The following ELOVL2 variants were observed in gnomAD, a reference collection of about 807,000 sequenced individuals.
ELOVL2 encodes the protein ELOVL fatty acid elongase 2, also known as very long chain fatty acid elongase 2.
ELOVL2 carries 38 observed loss-of-function variants against 37.7 expected under a neutral mutation model. The ratio of observed to expected loss-of-function variants is 1.01; its 90% CI spans 0.78 to 1.32. The LOEUF is 1.32. ELOVL2 is among the 40% of genes most tolerant of loss of function. The pLI is 0.00. For synonymous variants in ELOVL2, 115 were observed against 122.3 expected, an observed-to-expected ratio of 0.94 and a Z score of 0.40; for missense variants, 352 against 363.6, an observed-to-expected ratio of 0.97 and a Z score of 0.26.
chr6:10,987,309 T>A (rs1459943216), intron 7 of ELOVL2, among the ~76,000 whole-genome samples: 1 of 152,176 alleles, frequency 6.6e-6, no homozygotes, highest in Non-Finnish European at 1.5e-5. Context: ...GCTCCTGGAT[T>A]CATTGATTTT....
At chr6:10,999,602 C>G (rs141060393) in intron 4 of ELOVL2, among the ~76,000 whole-genome samples, 2,503 of 152,264 alleles carry the variant, frequency 0.016, 64 homozygotes, top group African/African-American at 0.057. Flanking sequence ...TCTCGAACTC[C>G]TGACCTCGTG....
Position 10,992,202 on chromosome 6 carries a change from C to T in ELOVL2, c.506-1760G>A, listed in dbSNP as rs548657015. 7.2e-5 allele frequency among the ~76,000 whole-genome samples: 11 copies of T among 152,306 alleles called. No individual in the cohort carries two copies. In the East Asian group the frequency reaches 1.4e-3, roughly 19 times the overall value. On this transcript the variant is annotated intron_variant, in intron 5 of 7. Transcript: ENST00000354666. ...CCCCCTGCACTCACAGCAATTTCCTCCCTCACTCTAGTGTTCATTTGTACC... is the reference window on the plus strand; with the variant it reads ...CCCCCTGCACTCACAGCAATTTCCTTCCTCACTCTAGTGTTCATTTGTACC...
At chr6:10,999,916 C>A (rs1231657313) in intron 4 of ELOVL2, among the ~76,000 whole-genome samples, 171 bp downstream of exon 4, 2 of 152,098 alleles carry the variant, frequency 1.3e-5, no homozygotes, top group East Asian at 3.8e-4. Context: ...TTCAGTTGGT[C>A]CTCTATAGAG....
At chr6:10,993,780 C>T (rs550908516) in intron 5 of ELOVL2, among the ~76,000 whole-genome samples, 144 of 151,874 alleles carry the variant, frequency 9.5e-4, no homozygotes, top group East Asian at 1.6e-3. Flanking sequence ...CTCTGCCTCC[C>T]GGGCTCAAGC....
intron 1 of ELOVL2, among the ~76,000 whole-genome samples, chr6:11,014,840 T>C (rs1367017148): frequency 6.6e-6 from 1 of 152,244 alleles, no homozygotes; most frequent in Non-Finnish European, 1.5e-5. Flanking sequence ...TTTGAGGCTT[T>C]TCTTTTTTTA....
rs780169856 is a variant in ELOVL2, at chr6:10,983,879, C to T, written c.793G>A (p.Asp265Asn). The change falls in exon 8 of 8, where the codon GAT (aspartate) becomes AAT (asparagine). Residue 265 changes from aspartate to asparagine, a missense_variant. By Grantham distance (23) the Asp-to-Asn change is conservative. Coordinates refer to ENST00000354666, the MANE Select transcript of ELOVL2 (RefSeq NM_017770.4). ...TTCCCTGCAGGTGGCTCTTGCATAT[C>T]TTTCTTCATTGGCTTTTTTCGGTAT... is the stretch of plus-strand genomic sequence containing the variant. The part of the protein sequence containing the change: ...QTYRKKPMKK[D>N]MQEPPAGKEV... 1.2e-6 allele frequency: 2 copies of T among 1,613,468 alleles called. No homozygotes were observed. The highest frequency in any genetic ancestry group is 2.2e-5 in the South Asian group (2 of 90,950).
chr6:10,988,264 C>A (rs527739855), intron 7 of ELOVL2, among the ~76,000 whole-genome samples: 1 of 152,382 alleles, frequency 6.6e-6, no homozygotes, highest in South Asian at 2.1e-4. Flanking sequence ...CTGTTCCACA[C>A]TGTATAAAAC....
Position 10,983,805 on chromosome 6 carries a change from T to C in ELOVL2, c.867A>G (p.Gly289=), listed in dbSNP as rs768096314. ...TTTATTGTGCTTTCTTGTTCATCACTCCATTTGCTGCAGTGAAGTAGGCTT... is the reference window on the plus strand; with the variant it reads ...TTTATTGTGCTTTCTTGTTCATCACCCCATTTGCTGCAGTGAAGTAGGCTT... ...FSKAYFTAAN[G]VMNKKAQ Residue 289 remains glycine (G), a synonymous_variant, in exon 8 of 8, where the codon GGA becomes GGG. Coordinates refer to ENST00000354666, the MANE Select transcript of ELOVL2 (RefSeq NM_017770.4). 1.9e-6 allele frequency: 3 copies of C among 1,612,016 alleles called. No individual in the cohort carries two copies. The highest frequency in any genetic ancestry group is 2.7e-5 in the African/African-American group (2 of 74,870).
chr6:10,999,984 C>T (rs772837530), intron 4 of ELOVL2, 103 bp downstream of exon 4: 5 of 994,122 alleles, frequency 5.0e-6, no homozygotes, highest in Non-Finnish European at 7.9e-6. Context: ...GAACCCCTTT[C>T]TTATCTAATT....
At chr6:11,021,561 A>G (rs928102323) in intron 1 of ELOVL2, among the ~76,000 whole-genome samples, 1 of 152,028 alleles carries the variant, frequency 6.6e-6, no homozygotes, top group Admixed American at 6.5e-5. Flanking sequence ...GACAAGGAGA[A>G]AGCTTTGGGA....
chr6:10,995,910 G>GT (rs897585133), intron 4 of ELOVL2, among the ~76,000 whole-genome samples: 1 of 152,148 alleles, frequency 6.6e-6, no homozygotes, highest in South Asian at 2.1e-4. Flanking sequence ...AAGTATATAT[G>GT]TTTTTTGTCT....
chr6:11,001,193 T>A (rs897003599), intron 3 of ELOVL2, among the ~76,000 whole-genome samples: 2 of 152,204 alleles, frequency 1.3e-5, no homozygotes, highest in Non-Finnish European at 2.9e-5. Flanking sequence ...TAAATAACAT[T>A]TAGAATGTTT....
At chr6:11,033,606 A>G (rs1782965210) in intron 1 of ELOVL2, among the ~76,000 whole-genome samples, 1 of 152,246 alleles carries the variant, frequency 6.6e-6, no homozygotes, top group Non-Finnish European at 1.5e-5. Context: ...ATTCAGTTTT[A>G]TGAGTGCATA....
chr6:10,999,445 G>A (rs564125201), intron 4 of ELOVL2, among the ~76,000 whole-genome samples: 4 of 150,364 alleles, frequency 2.7e-5, no homozygotes, highest in African/African-American at 9.8e-5. Flanking sequence ...ACACAATCTC[G>A]GCTCACCACA....
chr6:10,985,998 T>C (rs1581855891), intron 7 of ELOVL2, among the ~76,000 whole-genome samples: 1 of 152,290 alleles, frequency 6.6e-6, no homozygotes, highest in Admixed American at 6.5e-5. Context: ...TGTTCTTCCA[T>C]TTGTTTGTAT....
intron 1 of ELOVL2, among the ~76,000 whole-genome samples, chr6:11,040,227 T>C (rs13204015): frequency 0.031 from 4,742 of 152,280 alleles, 116 homozygotes; most frequent in Non-Finnish European, 0.051. Flanking sequence ...AGTAGCTTTC[T>C]TTTTGTAATG....
In ELOVL2 at chr6:11,037,295, T is replaced by C. The variant is rs185106015; in HGVS notation, c.3+6933A>G. Among the ~76,000 whole-genome samples, 41 of 152,086 alleles carry C rather than the reference T, an allele frequency of 2.7e-4. No individual in the cohort carries two copies. The East Asian group carries it at 5.8e-3, about 22-fold the overall frequency. On this transcript the variant is annotated intron_variant, in intron 1 of 7. Transcript: ENST00000354666. ...TAACTTTTAATCTAACTCCTCAGTG[T>C]AATGGTCAATGAGCTCTTTGACCCT...
Position 11,044,130 on chromosome 6 carries a change from C to A in ELOVL2, c.3+98G>T. 1.5e-6 allele frequency: 2 copies of A among 1,338,848 alleles called. No homozygotes were observed. The highest frequency in any genetic ancestry group is 1.5e-5 in the African/African-American group (1 of 64,634). 82.9% of individuals were successfully genotyped at this position (1,338,848 alleles called of 1,614,324 possible). A position where few individuals can be genotyped will look rare whatever the true frequency, so the allele number is the denominator to read the frequency against. The stretch of plus-strand genomic sequence containing the variant: ...GGTTCCAGCGGCGAACCCGCAGCGC[C>A]CGCGCCGGCGCCCGCTCGGCCCTTT... On this transcript the variant is annotated intron_variant, in intron 1 of 7. Transcript: ENST00000354666. This position sits in a 1 kb window ranked among gnomAD's most constrained non-coding sequence, Gnocchi z 5.6.
At chr6:11,040,548 T>C (rs1296947212) in intron 1 of ELOVL2, among the ~76,000 whole-genome samples, 1 of 152,248 alleles carries the variant, frequency 6.6e-6, no homozygotes, top group Non-Finnish European at 1.5e-5. Flanking sequence ...TTCACTTGTC[T>C]CTGTACTTTT....
Sources: gnomAD v4.1 joint callset for allele counts (sites outside exome capture counted in the v4.1 genomes callset) on GRCh38, gnomAD v4.1.1 for gene constraint, Gnocchi (gnomAD v3.1) non-coding constraint, MANE v1.5 for transcripts, NCBI Gene and HGNC (gene_info 2026-07-23, HGNC 2026-07-21) for gene names.